SP2: variants seen among roughly 807,000 people sequenced by gnomAD.
SP2 encodes Sp2 transcription factor, also known as transcription factor Sp2.
SP2 carries 9 observed loss-of-function variants against 50.1 expected under a neutral mutation model. The ratio of observed to expected loss-of-function variants is 0.18; its 90% CI spans 0.11 to 0.31. SP2 has a LOEUF of 0.31. Among genes scored for constraint, SP2 ranks in the 10% least tolerant of loss-of-function variants. The pLI, the probability that SP2 is intolerant of heterozygous loss-of-function variation, is 1.00. For missense variants in SP2, 581 were observed against 806.5 expected (o/e 0.72, Z 3.39); for synonymous variants, 313 against 326.6 (o/e 0.96, Z 0.45).
chr17:47,922,898 A>G, intron 3 of SP2, 64 bp from the exon 4 acceptor site: 5 of 1,467,150 alleles, frequency 3.4e-6, no homozygotes, highest in Non-Finnish European at 4.7e-6. Flanking sequence ...GGGCAGGGAC[A>G]TTTGAAGGCC....
chr17:47,904,569 T>G (rs568496530), intron 1 of SP2, among the ~76,000 whole-genome samples: 1 of 149,958 alleles, frequency 6.7e-6, no homozygotes, highest in East Asian at 2.0e-4. Context: ...GATGGCGGAG[T>G]GGGGGGAGAT....
At chr17:47,923,902 G>A (rs544479742) in intron 4 of SP2, among the ~76,000 whole-genome samples, 133 of 152,096 alleles carry the variant, frequency 8.7e-4, no homozygotes, top group Middle Eastern at 3.4e-3. Flanking sequence ...GGGTTTCACC[G>A]TCTTGGCCAG....
downstream of SP2, among the ~76,000 whole-genome samples, chr17:47,931,651 G>A (rs373895473): frequency 8.5e-5 from 13 of 152,288 alleles, no homozygotes; most frequent in South Asian, 2.5e-3. Flanking sequence ...CAGAAATTGG[G>A]CCAAAGAAGT....
At chr17:47,915,214 CAAA>C (rs60876460) in intron 1 of SP2, 95 bp from the exon 2 acceptor site, 37 of 715,982 alleles carry the variant, frequency 5.2e-5, no homozygotes, top group African/African-American at 8.1e-5. Flanking sequence ...AATTCCGTCT[CAAA>C]AAAAAAAAAA....
intron 1 of SP2, among the ~76,000 whole-genome samples, chr17:47,907,058 G>A (rs555747907): frequency 6.6e-6 from 1 of 152,176 alleles, no homozygotes; most frequent in African/African-American, 2.4e-5. Flanking sequence ...AGAGGCACTG[G>A]TCAGAGGGGC....
intron 3 of SP2, among the ~76,000 whole-genome samples, chr17:47,921,737 C>G (rs1054295737): frequency 3.3e-5 from 5 of 152,194 alleles, no homozygotes; most frequent in African/African-American, 1.2e-4. Flanking sequence ...TTCCCTGCCC[C>G]AACCCTGGAA....
intron 4 of SP2, 41 bp from the exon 5 acceptor site, chr17:47,924,878 G>C: frequency 6.5e-7 from 1 of 1,528,248 alleles, no homozygotes; most frequent in Non-Finnish European, 8.8e-7. Flanking sequence ...CGAGGTTTCA[G>C]GCTTCCTCAC....
chr17:47,904,400 G>A (rs2034676101), intron 1 of SP2, among the ~76,000 whole-genome samples: 1 of 152,166 alleles, frequency 6.6e-6, no homozygotes, highest in South Asian at 2.1e-4. Flanking sequence ...AAAGCTAGCG[G>A]GAGAGAAATT....
intron 3 of SP2, chr17:47,917,749 C>G (rs1005652344): frequency 9.0e-6 from 4 of 442,674 alleles, no homozygotes; most frequent in African/African-American, 6.1e-5. Flanking sequence ...GTAGCCAGGA[C>G]TACAGGTGTA....
Position 47,903,839 on chromosome 17 carries a change from C to T in SP2, c.7+7546C>T, listed in dbSNP as rs191233190. On this transcript the variant is annotated intron_variant, in intron 1 of 6. Transcript: ENST00000376741. Reference sequence around the variant, plus strand: ...ATCAGTCGGGCGTGGTGGCACACGCCTGTATTCCCAGCTACTCAGGAGGCT... The same window carrying T: ...ATCAGTCGGGCGTGGTGGCACACGCTTGTATTCCCAGCTACTCAGGAGGCT... 3.0e-3 allele frequency among the ~76,000 whole-genome samples: 463 copies of T among 152,038 alleles called. 1 individual carries two copies. Among genetic ancestry groups the T allele is most frequent in the African/African-American group, 0.011 (440 of 41,444 alleles).
Position 47,923,136 on chromosome 17 carries a change from C to T in SP2, c.1234C>T (p.Leu412=). Residue 412 remains leucine (L), a synonymous_variant, in exon 4 of 7, where the codon CTG becomes TTG. Coordinates refer to ENST00000376741, the MANE Select transcript of SP2 (RefSeq NM_003110.6). ...TGCAATTCTCCGAAAAGAGCGTCCC[C>T]TGCCAAAGATTGCCCCAGCCGGGAG... ...SAAILRKERP[L]PKIAPAGSII... 6.2e-7 allele frequency: 1 copy of T among 1,614,268 alleles called. No homozygotes were observed. The highest frequency in any genetic ancestry group is 1.1e-5 in the South Asian group (1 of 91,090).
chr17:47,896,413 C>A, intron 1 of SP2, 120 bp downstream of exon 1: 1 of 663,704 alleles, frequency 1.5e-6, no homozygotes, highest in Non-Finnish European at 2.1e-6. Flanking sequence ...GGTCTGGCGT[C>A]GGGGCCCGGC....
Position 47,916,052 on chromosome 17 carries a change from G to A in SP2, c.85-104G>A. 7.2e-7 allele frequency: 1 copy of A among 1,388,088 alleles called. No homozygotes were observed. The highest frequency in any genetic ancestry group is 9.8e-7 in the Non-Finnish European group (1 of 1,025,252). 86.0% of individuals were successfully genotyped at this position (1,388,088 alleles called of 1,614,324 possible). On this transcript the variant is annotated intron_variant, in intron 2 of 6. Transcript: ENST00000376741. The surrounding 1 kb of genome is among the most constrained non-coding windows in gnomAD (Gnocchi z 4.7). ...GGCAACATGCCTGCCCCGGAGGTGG[G>A]GAAGACTGGCGTGGAATGCCGCCAG...
At chr17:47,897,865 C>T (rs952690127) in intron 1 of SP2, 25 of 985,210 alleles carry the variant, frequency 2.5e-5, no homozygotes, top group Non-Finnish European at 3.0e-5. Flanking sequence ...TGTCAGTGTT[C>T]CAGTGGCTTC....
At chr17:47,926,533 A>C (rs2035658134) in intron 6 of SP2, among the ~76,000 whole-genome samples, 1 of 152,046 alleles carries the variant, frequency 6.6e-6, no homozygotes, top group Non-Finnish European at 1.5e-5. Context: ...CCTGGTCTCA[A>C]ACTCCTGGAC....
At chr17:47,931,149 C>G (rs1360779826), downstream of SP2, among the ~76,000 whole-genome samples, 1 of 151,984 alleles carries the variant, frequency 6.6e-6, no homozygotes, top group African/African-American at 2.4e-5. Context: ...CAAAACCAGC[C>G]TGGCCAACAT....
chr17:47,920,612 G>A (rs922118042), intron 3 of SP2, among the ~76,000 whole-genome samples: 8 of 151,436 alleles, frequency 5.3e-5, no homozygotes, highest in Non-Finnish European at 1.0e-4. Context: ...TAGTAGAGAC[G>A]GGGTTTTACC....
chr17:47,916,565 CCAT>C lies in SP2; in HGVS notation c.500_502del (p.Ile167del). 1 of 1,614,178 alleles carries C rather than the reference CCAT, an allele frequency of 6.2e-7. No homozygotes were observed. The highest frequency in any genetic ancestry group is 8.5e-7 in the Non-Finnish European group (1 of 1,180,028). ...CAGATCATCCCTGGCACCAACCAAG[CCAT>C]CATCACCCCCTCACCGTCCAGTCAC... On this transcript the variant is annotated inframe_deletion, in exon 3 of 7. Transcript: ENST00000376741. This position sits in a 1 kb window ranked among gnomAD's most constrained non-coding sequence, Gnocchi z 4.7.
In SP2 at chr17:47,917,048, C is replaced by A. The variant is rs774279983; in HGVS notation, c.977C>A (p.Ala326Glu). ...CAGCAGGCTCTGCGGGTGGTGCAGG[C>A]GGCATCTGCCACCCTCCCCACTGTA... ...IPQQALRVVQAASATLPTVPQ... is the reference protein window; with the variant it reads ...IPQQALRVVQEASATLPTVPQ... Residue 326 changes from alanine to glutamate, a missense_variant, in exon 3 of 7, where the codon GCG (alanine) becomes GAG (glutamate). This residue lies in a region of SP2 where 397 missense variants were observed against 491.0 expected (regional missense o/e 0.81). Coordinates refer to ENST00000376741, the MANE Select transcript of SP2 (RefSeq NM_003110.6). 1.5e-5 allele frequency: 24 copies of A among 1,613,794 alleles called. No homozygotes were observed. The African/African-American group carries it at 3.2e-4, about 22-fold the overall frequency.
Sources: allele counts gnomAD v4.1 joint callset (sites outside exome capture counted in the v4.1 genomes callset), GRCh38; gene constraint gnomAD v4.1.1; regional missense constraint gnomAD v4.1.1; non-coding constraint Gnocchi (gnomAD v3.1); transcripts MANE v1.5; gene names NCBI Gene and HGNC (gene_info 2026-07-23, HGNC 2026-07-21).